LRP1B: variants seen among roughly 807,000 people sequenced by gnomAD.
LRP1B encodes low-density lipoprotein receptor-related protein 1B.
LRP1B carries 217 observed loss-of-function variants against 556.6 expected under a neutral mutation model. The ratio of observed to expected loss-of-function variants is 0.39; its 90% CI spans 0.35 to 0.44. The LOEUF is 0.44. LRP1B is among the 20% of genes least tolerant of loss of function. The pLI is 1.00. For missense variants in LRP1B, 5,053 were observed against 5,620.8 expected (o/e 0.90, Z 3.23); for synonymous variants, 2,047 against 1,865.8 (o/e 1.10, Z -2.50).
At chr2:140,740,747 T>A (rs149236841) in intron 35 of LRP1B, among the ~76,000 whole-genome samples, 1 of 152,302 alleles carries the variant, frequency 6.6e-6, no homozygotes, top group African/African-American at 2.4e-5. Flanking sequence ...TTCTGAGGCC[T>A]CGATCTTGGC....
chr2:141,490,562 C>T (rs1321074603), intron 2 of LRP1B, among the ~76,000 whole-genome samples: 2 of 151,954 alleles, frequency 1.3e-5, no homozygotes, highest in African/African-American at 4.8e-5. Flanking sequence ...ATTGTGTGGA[C>T]ATAGCCAAAA....
intron 15 of LRP1B, 65 bp downstream of exon 15, chr2:141,005,270 T>C: frequency 1.3e-6 from 2 of 1,540,078 alleles, no homozygotes; most frequent in South Asian, 2.5e-5. Context: ...TCCTTTAGTT[T>C]CTTCTGCTTC....
At chr2:141,554,633 T>C (rs1456599627) in intron 2 of LRP1B, among the ~76,000 whole-genome samples, 3 of 151,956 alleles carry the variant, frequency 2.0e-5, no homozygotes, top group Non-Finnish European at 4.4e-5. Flanking sequence ...ACCTTACTTA[T>C]GGATTTTACA....
intron 6 of LRP1B, among the ~76,000 whole-genome samples, chr2:141,216,667 G>A (rs78788997): frequency 0.044 from 6,674 of 152,248 alleles, 165 homozygotes; most frequent in South Asian, 0.11. Context: ...GCAAGGCTTT[G>A]GGAGCTTACT....
chr2:141,040,335 T>A (rs1314505324), intron 11 of LRP1B, among the ~76,000 whole-genome samples: 1 of 152,110 alleles, frequency 6.6e-6, no homozygotes, highest in African/African-American at 2.4e-5. Context: ...AAGAACACTC[T>A]AATGTAATTC....
chr2:140,509,208 G>A (rs530010243), intron 52 of LRP1B, among the ~76,000 whole-genome samples: 6 of 152,080 alleles, frequency 3.9e-5, no homozygotes, highest in African/African-American at 9.6e-5. Context: ...AGCGGAGTTC[G>A]CAGCATTATT....
rs969688778 is a variant in LRP1B, at chr2:141,648,093, G to GA, written c.205+162185dup. Among the ~76,000 whole-genome samples the GA allele has an allele frequency of 5.5e-3, 823 of 149,682 alleles. 7 individuals carry two copies. Among genetic ancestry groups the GA allele is most frequent in the African/African-American group, 0.019 (776 of 40,846 alleles). On this transcript the variant is annotated intron_variant, in intron 2 of 90. Transcript: ENST00000389484. ...TGGTGAGACGAATCATGTGATTCAG[G>GA]AAAAAAAAAATTGTGGAGCAGGAGC... is the stretch of plus-strand genomic sequence containing the variant.
In LRP1B at chr2:141,859,249, C is replaced by T. The variant is rs75785595; in HGVS notation, c.83-48848G>A. On this transcript the variant is annotated intron_variant, in intron 1 of 90. Coordinates refer to ENST00000389484, the MANE Select transcript of LRP1B (RefSeq NM_018557.3). ...TGTTTTTCTTGTTCATATTAATTAT[C>T]TGTAAAATGCTACACACTACCTGGG... Among the ~76,000 whole-genome samples, 18 of 152,222 alleles carry T rather than the reference C, an allele frequency of 1.2e-4. 1 individual carries two copies. The East Asian group carries it at 3.3e-3, about 28-fold the overall frequency.
At chr2:140,931,607 G>A (rs904240204) in intron 20 of LRP1B, among the ~76,000 whole-genome samples, 1 of 152,142 alleles carries the variant, frequency 6.6e-6, no homozygotes, top group Non-Finnish European at 1.5e-5. Context: ...TATCTTTAGT[G>A]TTCAAAACAG....
intron 1 of LRP1B, among the ~76,000 whole-genome samples, chr2:141,967,351 T>C (rs1036270784): frequency 1.3e-5 from 2 of 151,894 alleles, no homozygotes; most frequent in African/African-American, 4.8e-5. Context: ...CATGGATTAA[T>C]GGAGAGAGGT....
At chr2:140,940,775 G>T (rs1695377105) in intron 20 of LRP1B, among the ~76,000 whole-genome samples, 1 of 152,028 alleles carries the variant, frequency 6.6e-6, no homozygotes. Context: ...TAATCCTTTG[G>T]GTATATACTC....
intron 3 of LRP1B, among the ~76,000 whole-genome samples, chr2:141,365,655 C>CTTTTTTTTTTTTTTTTGTTTTT (rs781538829): frequency 1.7e-5 from 2 of 121,150 alleles, no homozygotes; most frequent in African/African-American, 3.2e-5. Flanking sequence ...GTTTTTGTTG[C>CTTTTTTTTTTTTTTTTGTTTTT]TTTTTTTTTT....
intron 60 of LRP1B, among the ~76,000 whole-genome samples, chr2:140,465,760 C>G (rs1687521746): frequency 6.6e-6 from 1 of 150,546 alleles, no homozygotes; most frequent in Non-Finnish European, 1.5e-5. Context: ...AACATATATG[C>G]AAATTTAATG....
intron 21 of LRP1B, 147 bp from the exon 22 acceptor site, chr2:140,908,224 A>G (rs1694311750): frequency 4.7e-6 from 3 of 635,956 alleles, no homozygotes; most frequent in Non-Finnish European, 8.3e-6. Flanking sequence ...TTGACAGTTT[A>G]TTTTCATGAC....
intron 35 of LRP1B, among the ~76,000 whole-genome samples, chr2:140,728,410 G>A (rs1687665980): frequency 6.6e-6 from 1 of 152,118 alleles, no homozygotes; most frequent in Non-Finnish European, 1.5e-5. Context: ...ACAGCTCCAA[G>A]GAGAAATTTT....
intron 3 of LRP1B, among the ~76,000 whole-genome samples, chr2:141,261,610 T>C (rs1684688280): frequency 6.6e-6 from 1 of 152,166 alleles, no homozygotes; most frequent in African/African-American, 2.4e-5. Flanking sequence ...AATCATCTAG[T>C]ATTTAGTATT....
At chr2:141,585,107 G>T (rs1036312413) in intron 2 of LRP1B, among the ~76,000 whole-genome samples, 2 of 152,000 alleles carry the variant, frequency 1.3e-5, no homozygotes, top group Non-Finnish European at 2.9e-5. Context: ...GAGAAAAACG[G>T]TCTTTTCTCT....
chr2:140,649,782 A>G (rs956444906), intron 41 of LRP1B, among the ~76,000 whole-genome samples: 2 of 152,216 alleles, frequency 1.3e-5, no homozygotes, highest in Non-Finnish European at 2.9e-5. Context: ...AGCAAAAGCT[A>G]TATGTATTTA....
intron 7 of LRP1B, among the ~76,000 whole-genome samples, chr2:141,114,878 C>A (rs1398319207): frequency 6.7e-6 from 1 of 149,880 alleles, no homozygotes; most frequent in African/African-American, 2.4e-5. Context: ...CATACTAATG[C>A]AAAAAAAAAA....
Sources: gnomAD v4.1 joint callset for allele counts (sites outside exome capture counted in the v4.1 genomes callset) on GRCh38, gnomAD v4.1.1 for gene constraint, MANE v1.5 for transcripts, NCBI Gene and HGNC (gene_info 2026-07-23, HGNC 2026-07-21) for gene names.